Variants in CADPS2 observed in about 807,000 individuals in gnomAD.
CADPS2 encodes calcium dependent secretion activator 2, also known as calcium-dependent secretion activator 2.
A neutral mutation model predicts 172.5 loss-of-function variants in CADPS2; 93 were observed. The observed-to-expected ratio is 0.54, with a 90% CI of 0.46 to 0.64. The LOEUF is 0.64. Among genes scored for constraint, CADPS2 ranks in the 30% least tolerant of loss-of-function variants. CADPS2 has a pLI of 0.00. For missense variants in CADPS2, 1,420 were observed against 1,565.9 expected (o/e 0.91, Z 1.57); for synonymous variants, 546 against 555.2 (o/e 0.98, Z 0.23).
chr7:122,725,408 T>C (rs908425209), intron 2 of CADPS2, among the ~76,000 whole-genome samples: 1 of 151,782 alleles, frequency 6.6e-6, no homozygotes, highest in South Asian at 2.1e-4. Flanking sequence ...GATGGATGGA[T>C]AGATTGATTG....
At chr7:122,372,419 C>A (rs1056243464) in intron 25 of CADPS2, among the ~76,000 whole-genome samples, 1 of 152,054 alleles carries the variant, frequency 6.6e-6, no homozygotes, top group African/African-American at 2.4e-5. Flanking sequence ...CTTTTCTAGG[C>A]ACATAAAATG....
chr7:122,515,776 C>T (rs2060315493), intron 8 of CADPS2, among the ~76,000 whole-genome samples: 2 of 151,840 alleles, frequency 1.3e-5, no homozygotes, highest in African/African-American at 4.8e-5. Flanking sequence ...ATGTAACTAA[C>T]CTGCACAATG....
At chr7:122,717,400 G>A (rs1186252065) in intron 2 of CADPS2, among the ~76,000 whole-genome samples, 1 of 152,028 alleles carries the variant, frequency 6.6e-6, no homozygotes, top group Non-Finnish European at 1.5e-5. Flanking sequence ...AATACTTTTA[G>A]AATAGGTAAG....
At chr7:122,688,972 G>T (rs2083978113) in intron 2 of CADPS2, among the ~76,000 whole-genome samples, 1 of 152,114 alleles carries the variant, frequency 6.6e-6, no homozygotes, top group African/African-American at 2.4e-5. Context: ...ACATAGGTTT[G>T]ATATATAGGC....
At chr7:122,582,238 G>A (rs2068929873) in intron 6 of CADPS2, among the ~76,000 whole-genome samples, 1 of 152,066 alleles carries the variant, frequency 6.6e-6, no homozygotes, top group Non-Finnish European at 1.5e-5. Flanking sequence ...TCACGGAGCT[G>A]TCTACATTTT....
chr7:122,425,209 G>A (rs2049002170), intron 17 of CADPS2, among the ~76,000 whole-genome samples: 1 of 151,808 alleles, frequency 6.6e-6, no homozygotes, highest in Non-Finnish European at 1.5e-5. Context: ...TCGAATTCCT[G>A]AGCTCAAGTG....
chr7:122,617,442 G>A (rs2075052214), intron 5 of CADPS2, among the ~76,000 whole-genome samples: 1 of 152,114 alleles, frequency 6.6e-6, no homozygotes, highest in African/African-American at 2.4e-5. Flanking sequence ...ACTTGCTAAT[G>A]GACCTACAGA....
chr7:122,885,953 A>C (rs2141863175), intron 1 of CADPS2, 46 bp downstream of exon 1: 2 of 1,570,288 alleles, frequency 1.3e-6, no homozygotes, highest in Non-Finnish European at 1.7e-6. Flanking sequence ...CGGGAGAAAA[A>C]CCCAGGGAGA....
chr7:122,419,843 G>A (rs1349070109), intron 17 of CADPS2, among the ~76,000 whole-genome samples: 3 of 151,926 alleles, frequency 2.0e-5, no homozygotes, highest in African/African-American at 7.3e-5. Context: ...CCGTGCTAGG[G>A]ACTAGCACTA....
At chr7:122,536,701 G>C (rs928557111) in intron 8 of CADPS2, among the ~76,000 whole-genome samples, 7 of 152,070 alleles carry the variant, frequency 4.6e-5, no homozygotes, top group Admixed American at 2.0e-4. Flanking sequence ...AAGGGGAAAA[G>C]AGGGACCTAA....
At chr7:122,727,288 T>C (rs1390020138) in intron 2 of CADPS2, among the ~76,000 whole-genome samples, 4 of 151,850 alleles carry the variant, frequency 2.6e-5, no homozygotes, top group Admixed American at 2.0e-4. Context: ...AGCTCTAAAC[T>C]GAGCAGCCTT....
chr7:122,324,447 T>C lies in CADPS2; in HGVS notation c.3717+1030A>G, dbSNP rs181477745. Among the ~76,000 whole-genome samples the C allele has an allele frequency of 9.8e-5, 15 of 152,298 alleles. 1 individual carries two copies. The highest frequency in any genetic ancestry group is 9.8e-4 in the Admixed American group (15 of 15,300). ...AGCATGTTTTCATGTATTAGAACCA[T>C]CTGGAGGACTTGTTAATCTATAGAT... On this transcript the variant is annotated intron_variant, in intron 29 of 29. Transcript: ENST00000449022.
At chr7:122,357,132 A>C (rs117710969) in intron 27 of CADPS2, among the ~76,000 whole-genome samples, 2,313 of 152,262 alleles carry the variant, frequency 0.015, 29 homozygotes, top group Non-Finnish European at 0.024. Flanking sequence ...GATATTTCCA[A>C]CTCTAATCCA....
intron 1 of CADPS2, among the ~76,000 whole-genome samples, chr7:122,847,285 C>T (rs1366347032): frequency 6.6e-6 from 1 of 152,108 alleles, no homozygotes; most frequent in East Asian, 1.9e-4. Context: ...CAGGGTTTTG[C>T]CATGTTGGCC....
intron 9 of CADPS2, among the ~76,000 whole-genome samples, chr7:122,492,585 T>C (rs1470162773): frequency 1.3e-5 from 2 of 152,166 alleles, no homozygotes; most frequent in Admixed American, 6.6e-5. Flanking sequence ...CCAACAGAGA[T>C]AGAGGGAGGT....
chr7:122,862,659 C>G (rs1817237790), intron 1 of CADPS2, among the ~76,000 whole-genome samples: 1 of 151,980 alleles, frequency 6.6e-6, no homozygotes, highest in South Asian at 2.1e-4. Flanking sequence ...GTGAATTGCC[C>G]TTTAGAGTGT....
intron 2 of CADPS2, among the ~76,000 whole-genome samples, chr7:122,679,085 C>T (rs1030097315): frequency 1.3e-5 from 2 of 152,004 alleles, no homozygotes; most frequent in Non-Finnish European, 2.9e-5. Context: ...ACCTTAAGAA[C>T]AGGGTAACAG....
At chr7:122,686,347 T>A (rs1175476738) in intron 2 of CADPS2, among the ~76,000 whole-genome samples, 3 of 152,160 alleles carry the variant, frequency 2.0e-5, no homozygotes, top group Non-Finnish European at 2.9e-5. Flanking sequence ...CCTAAATGTA[T>A]CTTGTATTAA....
rs887508267 is a variant in CADPS2 at position 122,396,417 on chromosome 7, T to C, written c.2747-2835A>G. Among the ~76,000 whole-genome samples the C allele has an allele frequency of 2.6e-5, 4 of 152,198 alleles. No homozygotes were observed. The South Asian group carries it at 8.3e-4, about 31-fold the overall frequency. On this transcript the variant is annotated intron_variant, in intron 20 of 29. Transcript: ENST00000449022. The stretch of plus-strand genomic sequence containing the variant: ...ACCTAACTGGTCTTTAGGATCCTAA[T>C]ATTTCCTCTGCCAATCCATCTTCTC...
Sources: allele counts gnomAD v4.1 joint callset (sites outside exome capture counted in the v4.1 genomes callset), GRCh38; gene constraint gnomAD v4.1.1; transcripts MANE v1.5; gene names NCBI Gene and HGNC (gene_info 2026-07-23, HGNC 2026-07-21).